The following PCDH7 variants were observed in gnomAD, a reference collection of about 807,000 sequenced individuals.
The protein encoded by PCDH7 is protocadherin 7.
In PCDH7, 17 loss-of-function variants were observed where a neutral mutation model predicts 58.9. The ratio of observed to expected loss-of-function variants is 0.29; its 90% CI spans 0.20 to 0.43. The LOEUF is 0.43. Among genes scored for constraint, PCDH7 ranks in the 20% least tolerant of loss-of-function variants. PCDH7 has a pLI of 1.00. For missense variants in PCDH7, 1,274 were observed against 1,441.0 expected, an observed-to-expected ratio of 0.88 and a Z score of 1.88; for synonymous variants, 664 against 616.4, an observed-to-expected ratio of 1.08 and a Z score of -1.14.
chr4:30,907,790 C>A (rs1400123376), intron 1 of PCDH7, among the ~76,000 whole-genome samples: 1 of 152,142 alleles, frequency 6.6e-6, no homozygotes, highest in Non-Finnish European at 1.5e-5. Flanking sequence ...ACTATAAAGA[C>A]ACATGCACAC....
intron 3 of PCDH7, among the ~76,000 whole-genome samples, chr4:31,140,914 G>A (rs1042610225): frequency 2.6e-5 from 4 of 152,126 alleles, no homozygotes. Flanking sequence ...TACAGGAAAG[G>A]GTCAGCTAAT....
intron 1 of PCDH7, among the ~76,000 whole-genome samples, chr4:30,847,218 T>A (rs1320864780): frequency 6.6e-6 from 1 of 152,170 alleles, no homozygotes; most frequent in African/African-American, 2.4e-5. Flanking sequence ...GATTTTGTGC[T>A]TTTACCTCTT....
intron 1 of PCDH7, among the ~76,000 whole-genome samples, chr4:30,808,501 A>G (rs565881873): frequency 2.4e-4 from 37 of 152,206 alleles, no homozygotes; most frequent in African/African-American, 8.7e-4. Flanking sequence ...TCTTATTTTC[A>G]CTACAAAGAG....
Position 30,793,720 on chromosome 4 carries a change from T to C in PCDH7, c.70+69124T>C, listed in dbSNP as rs186731840. Among the ~76,000 whole-genome samples, 234 of 152,286 alleles carry C rather than the reference T, an allele frequency of 1.5e-3. 1 individual carries two copies. The highest frequency in any genetic ancestry group is 5.0e-3 in the African/African-American group (208 of 41,562). On this transcript the variant is annotated intron_variant, in intron 1 of 3. Coordinates refer to the PCDH7 transcript ENST00000509759. Reference sequence around the variant, plus strand: ...AAGACTTCCACAAACTCGAAGCATATGTAACTATGTGTGCAATAGCGTTAA... The same window carrying C: ...AAGACTTCCACAAACTCGAAGCATACGTAACTATGTGTGCAATAGCGTTAA...
chr4:31,144,396 A>G (rs3733655), downstream of PCDH7: 73,022 of 152,034 alleles, frequency 0.48, 19,669 homozygotes, highest in African/African-American at 0.74. Context: ...TGAGCTACTC[A>G]CTCTATAGAG....
intron 3 of PCDH7, among the ~76,000 whole-genome samples, chr4:31,063,882 CTG>C (rs1333011775): frequency 1.3e-5 from 2 of 151,836 alleles, no homozygotes; most frequent in East Asian, 3.9e-4. Context: ...GATGGAGAAA[CTG>C]AGACAGGCTT....
intron 1 of PCDH7, among the ~76,000 whole-genome samples, chr4:30,834,390 T>C (rs1730206845): frequency 6.6e-6 from 1 of 152,182 alleles, no homozygotes; most frequent in Non-Finnish European, 1.5e-5. Context: ...ATTATCAACA[T>C]TTTGTAGAAG....
At chr4:30,927,475 A>G (rs1000557248) in intron 2 of PCDH7, among the ~76,000 whole-genome samples, 25 of 151,832 alleles carry the variant, frequency 1.6e-4, no homozygotes, top group African/African-American at 5.1e-4. Context: ...TGTAGAAAGA[A>G]GTAGACATGG....
At chr4:30,918,732 G>A (rs1742795771) in intron 1 of PCDH7, among the ~76,000 whole-genome samples, 1 of 152,064 alleles carries the variant, frequency 6.6e-6, no homozygotes, top group African/African-American at 2.4e-5. Flanking sequence ...AGGAAACTTT[G>A]TAAAGATTGT....
intron 3 of PCDH7, among the ~76,000 whole-genome samples, chr4:30,955,738 AG>A (rs1747793865): frequency 6.6e-6 from 1 of 151,444 alleles, no homozygotes; most frequent in Non-Finnish European, 1.5e-5. Context: ...TAGTGGAGAC[AG>A]GGTTTCACCA....
intron 1 of PCDH7, among the ~76,000 whole-genome samples, chr4:30,830,434 G>C (rs28533358): frequency 6.6e-6 from 1 of 151,686 alleles, no homozygotes; most frequent in African/African-American, 2.4e-5. Context: ...TTCACATTTT[G>C]CATATTTTCT....
chr4:31,034,650 T>G (rs568921124), intron 3 of PCDH7, among the ~76,000 whole-genome samples: 2 of 152,306 alleles, frequency 1.3e-5, no homozygotes, highest in East Asian at 3.9e-4. Context: ...TTTTTAGGAT[T>G]GTAAAAATCT....
intron 3 of PCDH7, among the ~76,000 whole-genome samples, chr4:31,114,128 C>T (rs1312714304): frequency 6.6e-6 from 1 of 152,090 alleles, no homozygotes; most frequent in Non-Finnish European, 1.5e-5. Context: ...GCCACTGCAG[C>T]CGGCCTAAAA....
chr4:30,961,411 G>T (rs531613464), intron 3 of PCDH7, among the ~76,000 whole-genome samples: 2 of 151,708 alleles, frequency 1.3e-5, no homozygotes, highest in African/African-American at 4.8e-5. Context: ...AATTTGCCAG[G>T]TGTGGTAGCG....
At chr4:30,898,922 T>A (rs1482074542) in intron 1 of PCDH7, among the ~76,000 whole-genome samples, 1 of 152,132 alleles carries the variant, frequency 6.6e-6, no homozygotes, top group African/African-American at 2.4e-5. Flanking sequence ...AATGCCTTTT[T>A]TTTTTCATAC....
intron 3 of PCDH7, among the ~76,000 whole-genome samples, chr4:30,987,249 C>T (rs1345837356): frequency 6.6e-6 from 1 of 152,052 alleles, no homozygotes; most frequent in Non-Finnish European, 1.5e-5. Flanking sequence ...ATTTACAGAT[C>T]ACCTAAGTAA....
intron 3 of PCDH7, among the ~76,000 whole-genome samples, chr4:31,109,654 A>T (rs1033646420): frequency 2.0e-5 from 3 of 152,212 alleles, no homozygotes; most frequent in Non-Finnish European, 4.4e-5. Flanking sequence ...CACAAGTATA[A>T]CCATTTCATG....
intron 1 of PCDH7, among the ~76,000 whole-genome samples, chr4:30,824,678 A>G (rs2109324918): frequency 6.6e-6 from 1 of 152,264 alleles, no homozygotes; most frequent in East Asian, 1.9e-4. Flanking sequence ...GGTTTTAGCA[A>G]CATGAAAGGG....
chr4:31,000,982 T>G (rs1280007156), intron 3 of PCDH7, among the ~76,000 whole-genome samples: 2 of 152,072 alleles, frequency 1.3e-5, no homozygotes, highest in African/African-American at 4.8e-5. Flanking sequence ...AAAAGTATAT[T>G]AATTAAACGG....
Sources: allele counts gnomAD v4.1 joint callset (sites outside exome capture counted in the v4.1 genomes callset), GRCh38; gene constraint gnomAD v4.1.1; transcripts MANE v1.5; gene names NCBI Gene and HGNC (gene_info 2026-07-23, HGNC 2026-07-21).